PPIE: variants seen among roughly 807,000 people sequenced by gnomAD.
PPIE encodes the protein peptidyl-prolyl cis-trans isomerase E.
PPIE carries 20 observed loss-of-function variants against 38.4 expected under a neutral mutation model. That is an observed-to-expected ratio of 0.52 (90% CI 0.37 to 0.76). The LOEUF (loss-of-function observed/expected upper bound fraction) is 0.76, where lower values mean the gene tolerates loss of function less well. PPIE is among the 30% of genes least tolerant of loss of function. The probability of loss-of-function intolerance (pLI) is 0.00; values close to 1 mark genes in which losing one functional copy is unlikely to be tolerated. For synonymous variants in PPIE, 142 were observed against 135.7 expected (o/e 1.05, Z -0.32); for missense variants, 322 against 385.8 (o/e 0.83, Z 1.39).
At chr1:39,750,688 CTCT>C (rs901224068) in intron 8 of PPIE, among the ~76,000 whole-genome samples, 1 of 152,148 alleles carries the variant, frequency 6.6e-6, no homozygotes, top group African/African-American at 2.4e-5. Flanking sequence ...GGACTCCTGC[CTCT>C]TCTTGTCTCC....
chr1:39,762,991 C>T (rs187722584), intron 9 of PPIE: 88,532 of 1,408,454 alleles, frequency 0.063, 3,307 homozygotes, highest in Non-Finnish European at 0.07. Context: ...CCCTGAGACG[C>T]GGAGCAGGTG....
rs145676552 is a variant in PPIE, at chr1:39,763,482, CTTAG to C, written c.838-204_838-201del. ...AGTTACCCTGCAGCAATGCTGACAG[CTTAG>C]TTGGTTGATTCAGTCTTCATTTTCA... On this transcript the variant is annotated intron_variant, in intron 9 of 9. Transcript: ENST00000356511. Among the ~76,000 whole-genome samples the C allele has an allele frequency of 4.7e-3, 687 of 145,204 alleles. 74 individuals are homozygous for C. Among genetic ancestry groups the C allele is most frequent in the African/African-American group, 0.016 (613 of 38,716 alleles).
chr1:39,744,236 C>T (rs774010702), intron 6 of PPIE, among the ~76,000 whole-genome samples: 5 of 152,204 alleles, frequency 3.3e-5, no homozygotes, highest in Non-Finnish European at 7.3e-5. Flanking sequence ...CCCCTCTTCA[C>T]CCCTCCTGAT....
chr1:39,741,995 G>A (rs1201034403), intron 4 of PPIE, 74 bp downstream of exon 4: 1 of 1,519,060 alleles, frequency 6.6e-7, no homozygotes. Flanking sequence ...ATATATCAGT[G>A]TTCTGGACTT....
Position 39,763,018 on chromosome 1 carries a change from A to G in PPIE, c.838-671A>G, listed in dbSNP as rs912811435. ...GAGCAGGTGGCCTCACTGCCCTCCCAGCCAGCTGGACCAGACCCCTCTCCA... is the reference window on the plus strand; with the variant it reads ...GAGCAGGTGGCCTCACTGCCCTCCCGGCCAGCTGGACCAGACCCCTCTCCA... On this transcript the variant is annotated intron_variant, in intron 9 of 9. Coordinates refer to the PPIE transcript ENST00000356511. 28 of 1,555,696 alleles carry G rather than the reference A, an allele frequency of 1.8e-5. No homozygotes were observed. The African/African-American group carries it at 2.0e-4, about 11-fold the overall frequency.
In PPIE at chr1:39,743,306, G is replaced by A. The variant is rs1482892686; in HGVS notation, c.283+9G>A. On this transcript the variant is annotated intron_variant, in intron 5 of 9. Transcript: ENST00000324379. ...AGGCTCTTCCAGGCCAGGTGAGTAG[G>A]AGCAACTTCCAGATTCCCTGTGATG... 6.2e-7 allele frequency: 1 copy of A among 1,612,562 alleles called. No individual in the cohort carries two copies. The highest frequency in any genetic ancestry group is 2.2e-5 in the East Asian group (1 of 44,890).
chr1:39,755,721 G>T lies in PPIE; in HGVS notation c.*2366G>T. On this transcript the variant is annotated 3_prime_UTR_variant, in exon 10 of 10. Coordinates refer to ENST00000324379, the MANE Select transcript of PPIE (RefSeq NM_006112.4). ...ACTCTGGGGAGGTGGAGGCCAGTGG[G>T]CAGTTCTGAAAGCTCAGCAGGTTTG... The T allele has an allele frequency of 1.0e-6, 1 of 985,374 alleles. No individual in the cohort carries two copies. The highest frequency in any genetic ancestry group is 4.7e-5 in the South Asian group (1 of 21,278). 61.0% of individuals were successfully genotyped at this position (985,374 alleles called of 1,614,324 possible). A position where few individuals can be genotyped will look rare whatever the true frequency, so the allele number is the denominator to read the frequency against.
At chr1:39,751,412 T>G (rs1647718690) in intron 8 of PPIE, among the ~76,000 whole-genome samples, 2 of 152,202 alleles carry the variant, frequency 1.3e-5, no homozygotes. Flanking sequence ...CAGGCTGGAG[T>G]GCAGTGGTGC....
chr1:39,741,053 A>G (rs1647044734), intron 2 of PPIE, among the ~76,000 whole-genome samples: 1 of 152,230 alleles, frequency 6.6e-6, no homozygotes, highest in African/African-American at 2.4e-5. Flanking sequence ...GATAGGTCAA[A>G]TGACTTTATT....
chr1:39,741,943 C>T (rs756986020), intron 4 of PPIE, 22 bp downstream of exon 4: 8 of 1,613,938 alleles, frequency 5.0e-6, no homozygotes, highest in Non-Finnish European at 6.8e-6. Context: ...AATCTTAATT[C>T]TAACTAAAGT....
At chr1:39,749,149 G>A in intron 8 of PPIE, 61 bp downstream of exon 8, 1 of 1,496,058 alleles carries the variant, frequency 6.7e-7, no homozygotes, top group Non-Finnish European at 9.0e-7. Context: ...TGGCCAGGCA[G>A]GATGGAAGGA....
rs1013514078 is a variant in PPIE at position 39,755,869 on chromosome 1, C to T, written c.*2514C>T. The T allele has an allele frequency of 6.1e-6, 6 of 985,292 alleles. No homozygotes were observed. In the African/African-American group the frequency reaches 1.0e-4, roughly 17 times the overall value. 61.0% of individuals were successfully genotyped at this position (985,292 alleles called of 1,614,324 possible). A position where few individuals can be genotyped will look rare whatever the true frequency, so the allele number is the denominator to read the frequency against. ...TTATTGGCGTGACTGCCAAAGGTCACACAGGGTGGTTTGGCAGAGCTGGGA... is the reference window on the plus strand; with the variant it reads ...TTATTGGCGTGACTGCCAAAGGTCATACAGGGTGGTTTGGCAGAGCTGGGA... On this transcript the variant is annotated 3_prime_UTR_variant, in exon 10 of 10. Coordinates refer to ENST00000324379, the MANE Select transcript of PPIE (RefSeq NM_006112.4).
chr1:39,741,989 A>G, intron 4 of PPIE, 68 bp downstream of exon 4: 3 of 1,555,118 alleles, frequency 1.9e-6, no homozygotes, highest in Non-Finnish European at 2.7e-6. Flanking sequence ...TTATTCATAT[A>G]TCAGTGTTCT....
At chr1:39,760,416 G>GACTC, downstream of PPIE, 1 of 1,613,770 alleles carries the variant, frequency 6.2e-7, no homozygotes, top group Non-Finnish European at 8.5e-7. Flanking sequence ...CGGGCGGGTG[G>GACTC]ACTCAGTGGC....
chr1:39,740,050 C>A, intron 1 of PPIE, 115 bp from the exon 2 acceptor site: 1 of 707,212 alleles, frequency 1.4e-6, no homozygotes. Context: ...TGTTTGTTTA[C>A]CCAAAGAACT....
chr1:39,743,799 C>T (rs543633155), intron 5 of PPIE, 25 bp from the exon 6 acceptor site: 2 of 1,583,828 alleles, frequency 1.3e-6, no homozygotes, highest in African/African-American at 1.3e-5. Flanking sequence ...CTTGAATGAA[C>T]ATTTGTTTGA....
chr1:39,741,170 TA>T (rs1478338352), intron 2 of PPIE, among the ~76,000 whole-genome samples, 195 bp from the exon 3 acceptor site: 2 of 152,160 alleles, frequency 1.3e-5, no homozygotes, highest in African/African-American at 4.8e-5. Flanking sequence ...CTATGTCCAT[TA>T]AAAAAACAAA....
chr1:39,739,025 G>C, intron 1 of PPIE, 94 bp downstream of exon 1: 1 of 1,302,570 alleles, frequency 7.7e-7, no homozygotes, highest in African/African-American at 1.5e-5. Context: ...CAGGAGGACG[G>C]CGAGCTGCTG....
chr1:39,744,733 C>T (rs1647150522), intron 6 of PPIE, among the ~76,000 whole-genome samples: 1 of 152,204 alleles, frequency 6.6e-6, no homozygotes, highest in Non-Finnish European at 1.5e-5. Flanking sequence ...TTCATCCACA[C>T]ATTGACCCAC....
Sources: allele counts gnomAD v4.1 joint callset (sites outside exome capture counted in the v4.1 genomes callset), GRCh38; gene constraint gnomAD v4.1.1; transcripts MANE v1.5; gene names NCBI Gene and HGNC (gene_info 2026-07-23, HGNC 2026-07-21).